Variants in PWWP2B observed in about 807,000 individuals in gnomAD.
PWWP2B encodes the protein PWWP domain-containing protein 2B.
PWWP2B carries 9 observed loss-of-function variants against 15.5 expected under a neutral mutation model. The observed-to-expected ratio is 0.58, with a 90% confidence interval of 0.35 to 1.02. The LOEUF is 1.02. PWWP2B is among the 50% of genes least tolerant of loss of function. PWWP2B has a pLI of 0.02. For missense variants in PWWP2B, 864 were observed against 865.3 expected, an observed-to-expected ratio of 1.00 and a Z score of 0.02; for synonymous variants, 474 against 403.6, an observed-to-expected ratio of 1.17 and a Z score of -2.09.
chr10:132,407,068 G>A (rs937633477), intron 2 of PWWP2B, among the ~76,000 whole-genome samples: 1 of 152,200 alleles, frequency 6.6e-6, no homozygotes, highest in Non-Finnish European at 1.5e-5. Context: ...GGAGGTGTGG[G>A]GGTGTCACCT....
chr10:132,410,280 G>T (rs952284674), intron 2 of PWWP2B, among the ~76,000 whole-genome samples: 5 of 152,014 alleles, frequency 3.3e-5, no homozygotes, highest in Non-Finnish European at 7.4e-5. Context: ...GCATCTCAGG[G>T]GAAAGCTCAG....
chr10:132,416,492 G>A (rs1564879292), intron 2 of PWWP2B, among the ~76,000 whole-genome samples: 1 of 152,078 alleles, frequency 6.6e-6, no homozygotes, highest in East Asian at 1.9e-4. Flanking sequence ...GGCCTGCGTG[G>A]GCTCAGGTGG....
chr10:132,407,005 C>G (rs1265687403), intron 2 of PWWP2B, among the ~76,000 whole-genome samples: 5 of 152,196 alleles, frequency 3.3e-5, no homozygotes, highest in African/African-American at 1.2e-4. Context: ...TTTCTAGAAT[C>G]TCCAGCCAGG....
intron 2 of PWWP2B, among the ~76,000 whole-genome samples, chr10:132,415,159 A>C (rs1322384734): frequency 6.6e-6 from 1 of 152,072 alleles, no homozygotes; most frequent in African/African-American, 2.4e-5. Context: ...TTTCTATGGA[A>C]GATGAAGAGG....
rs1590753461 is a variant in PWWP2B, at chr10:132,398,015, A to G, written c.125+664A>G. Reference sequence around the variant, plus strand: ...TGAGAGGCACCTGTGCACGGGCTGCAGGGACCCATGCGGTGCAGATGAGCC... The same window carrying G: ...TGAGAGGCACCTGTGCACGGGCTGCGGGGACCCATGCGGTGCAGATGAGCC... On this transcript the variant is annotated intron_variant, in intron 1 of 2. Coordinates refer to ENST00000305233, the MANE Select transcript of PWWP2B (RefSeq NM_138499.4). Among the ~76,000 whole-genome samples, 4 of 152,346 alleles carry G rather than the reference A, an allele frequency of 2.6e-5. No homozygotes were observed. The South Asian group carries it at 8.3e-4, about 32-fold the overall frequency.
chr10:132,408,159 G>C (rs1430750182), intron 2 of PWWP2B, among the ~76,000 whole-genome samples: 1 of 152,230 alleles, frequency 6.6e-6, no homozygotes, highest in East Asian at 1.9e-4. Context: ...TCTGGGAGTG[G>C]GGGTGCCGGA....
intron 1 of PWWP2B, among the ~76,000 whole-genome samples, chr10:132,402,328 G>C (rs2069625283): frequency 6.6e-6 from 1 of 152,240 alleles, no homozygotes; most frequent in African/African-American, 2.4e-5. Context: ...GGCTGTCGTA[G>C]CCACCGTCCT....
intron 1 of PWWP2B, among the ~76,000 whole-genome samples, chr10:132,398,075 G>A (rs2069562443): frequency 6.6e-6 from 1 of 152,226 alleles, no homozygotes; most frequent in South Asian, 2.1e-4. Flanking sequence ...GGGAGCTGTC[G>A]CTGCCAGATC....
Position 132,405,601 on chromosome 10 carries a change from G to C in PWWP2B, c.1101G>C (p.Ala367=). Residue 367 remains alanine (A), a synonymous_variant, in exon 2 of 3, where the codon GCG becomes GCC. Transcript: ENST00000305233. ...GGTACCTGCGGGACAGCTCGCCGGC[G>C]CCCTGTGCGGACGGCCCTGCCGGTG... ...LNGYLRDSSP[A]PCADGPAGGL... 3 of 1,611,212 alleles carry C rather than the reference G, an allele frequency of 1.9e-6. No individual in the cohort carries two copies. The highest frequency in any genetic ancestry group is 2.5e-6 in the Non-Finnish European group (3 of 1,179,836).
chr10:132,410,545 C>T (rs576172403), intron 2 of PWWP2B, among the ~76,000 whole-genome samples: 7 of 152,300 alleles, frequency 4.6e-5, no homozygotes, highest in African/African-American at 1.7e-4. Context: ...GCCCGTCCTG[C>T]ACCTCAGCAC....
intron 1 of PWWP2B, 123 bp from the exon 2 acceptor site, chr10:132,404,503 G>A: frequency 1.3e-6 from 1 of 796,440 alleles, no homozygotes; most frequent in Non-Finnish European, 2.1e-6. Flanking sequence ...CCTGGACTCA[G>A]GGCATGGCTC....
rs534419931 is a variant in PWWP2B, at chr10:132,406,039, C to G, written c.1539C>G (p.Leu513=). The G allele has an allele frequency of 6.2e-7, 1 of 1,613,746 alleles. No individual in the cohort carries two copies. The highest frequency in any genetic ancestry group is 1.1e-5 in the South Asian group (1 of 91,080). The change falls in exon 2 of 3, where the codon CTC becomes CTG. Residue 513 remains leucine (L), a synonymous_variant. Transcript: ENST00000305233. The part of the protein sequence containing the change: ...WWPARVLDIS[L]GQKEDGEPSW... The stretch of plus-strand genomic sequence containing the variant: ...CGGCGCGTGTTCTTGACATCAGTCT[C>G]GGCCAGAAGGAGGACGGAGAGCCGT...
At chr10:132,410,060 A>C (rs1305681756) in intron 2 of PWWP2B, among the ~76,000 whole-genome samples, 1 of 152,206 alleles carries the variant, frequency 6.6e-6, no homozygotes, top group Non-Finnish European at 1.5e-5. Context: ...ATTATTTGTC[A>C]GTTAAAAATA....
Position 132,410,508 on chromosome 10 carries a change from GGGA to G in PWWP2B, c.*16+4223_*16+4225del, listed in dbSNP as rs750608074. On this transcript the variant is annotated intron_variant, in intron 2 of 2. Coordinates refer to ENST00000305233, the MANE Select transcript of PWWP2B (RefSeq NM_138499.4). ...GTGGGTGGCACTGGCCAGCCGTGTGGGGAGGACCTGAGGGGCTCGGGACCTTGC... is the reference window on the plus strand; with the variant it reads ...GTGGGTGGCACTGGCCAGCCGTGTGGGGACCTGAGGGGCTCGGGACCTTGC... Among the ~76,000 whole-genome samples the G allele has an allele frequency of 7.4e-4, 112 of 152,344 alleles. 1 individual carries two copies. Among genetic ancestry groups the G allele is most frequent in the Non-Finnish European group, 1.5e-3 (100 of 68,016 alleles).
At chr10:132,406,351 C>A in intron 2 of PWWP2B, 62 bp downstream of exon 2, 3 of 1,372,462 alleles carry the variant, frequency 2.2e-6, no homozygotes, top group Non-Finnish European at 2.0e-6. Context: ...TGTGTCCAGG[C>A]CATGCCTCTG....
chr10:132,412,569 G>A (rs1029804331), intron 2 of PWWP2B, among the ~76,000 whole-genome samples: 12 of 152,210 alleles, frequency 7.9e-5, no homozygotes, highest in African/African-American at 2.9e-4. Flanking sequence ...ATCCGTTCCC[G>A]ATCAAGTTCA....
intron 1 of PWWP2B, among the ~76,000 whole-genome samples, chr10:132,398,138 C>G (rs990923096): frequency 1.3e-5 from 2 of 152,230 alleles, no homozygotes; most frequent in African/African-American, 4.8e-5. Flanking sequence ...GCAGGGCTTT[C>G]TTTTGAAACT....
chr10:132,404,030 CTCCAGGGCTCCTGCAGGACGGCA>C (rs1244933494), intron 1 of PWWP2B, among the ~76,000 whole-genome samples: 38 of 55,896 alleles, frequency 6.8e-4, no homozygotes, highest in East Asian at 6.2e-4. Context: ...GGACGGCATT[CTCCAGGGCTCCTGCAGGACGGCA>C]TTCTCCAGGG....
chr10:132,407,572 T>A (rs2069716536), intron 2 of PWWP2B, among the ~76,000 whole-genome samples: 2 of 152,204 alleles, frequency 1.3e-5, no homozygotes, highest in African/African-American at 4.8e-5. Flanking sequence ...ACCACTGTGG[T>A]TGAGCCAGGG....
Sources: gnomAD v4.1 joint callset for allele counts (sites outside exome capture counted in the v4.1 genomes callset) on GRCh38, gnomAD v4.1.1 for gene constraint, MANE v1.5 for transcripts, NCBI Gene and HGNC (gene_info 2026-07-23, HGNC 2026-07-21) for gene names.